EPHA4: variants seen among roughly 807,000 people sequenced by gnomAD.
EPHA4 encodes ephrin type-A receptor 4.
In EPHA4, 19 loss-of-function variants were observed where a neutral mutation model predicts 108.3. The ratio of observed to expected loss-of-function variants is 0.18; its 90% CI spans 0.12 to 0.26. EPHA4 has a LOEUF of 0.26. Ranked by LOEUF, EPHA4 falls within the 10% of genes least tolerant of loss-of-function variation. The pLI is 1.00. For synonymous variants in EPHA4, 449 were observed against 455.5 expected, an observed-to-expected ratio of 0.99 and a Z score of 0.18; for missense variants, 917 against 1,254.0, an observed-to-expected ratio of 0.73 and a Z score of 4.06.
chr2:221,495,497 A>G (rs1347971727), intron 4 of EPHA4, among the ~76,000 whole-genome samples: 2 of 152,220 alleles, frequency 1.3e-5, no homozygotes. Context: ...ATTTTTGTGC[A>G]TGTGGATGTT....
At chr2:221,568,688 C>CT (rs1553596323) in intron 2 of EPHA4, 30 bp downstream of exon 2, 1 of 1,596,000 alleles carries the variant, frequency 6.3e-7, no homozygotes, top group African/African-American at 1.3e-5. Flanking sequence ...CTTTTTTACC[C>CT]TTTGGATCAG....
intron 3 of EPHA4, among the ~76,000 whole-genome samples, chr2:221,501,557 G>C (rs778183715): frequency 3.9e-5 from 6 of 152,150 alleles, no homozygotes; most frequent in Non-Finnish European, 8.8e-5. Flanking sequence ...AGGAATTTCA[G>C]CTTTGAGCAG....
rs1207376985 is a variant in EPHA4 at position 221,419,731 on chromosome 2, C to CCTTAATACACTACAAAAT, written c.*1640_*1641insATTTTGTAGTGTATTAAG. 6.6e-6 allele frequency: 1 copy of CCTTAATACACTACAAAAT among 152,514 alleles called. No homozygotes were observed. Among genetic ancestry groups the CCTTAATACACTACAAAAT allele is most frequent in the Non-Finnish European group, 1.5e-5 (1 of 68,048 alleles). 9.4% of individuals were successfully genotyped at this position (152,514 alleles called of 1,614,324 possible). On this transcript the variant is annotated 3_prime_UTR_variant, in exon 18 of 18. Coordinates refer to ENST00000281821, the MANE Select transcript of EPHA4 (RefSeq NM_004438.5). ...AGAATTCTTATTAAGGTTAGTGTGA[C>CCTTAATACACTACAAAAT]AGCTACAAAATACACGTGTAGATAC...
At chr2:221,426,440 C>T (rs780653172) in intron 16 of EPHA4, 24 bp downstream of exon 16, 7 of 1,573,120 alleles carry the variant, frequency 4.4e-6, no homozygotes, top group Admixed American at 4.1e-5. Context: ...TTTACCCTTT[C>T]GTGTTACATC....
intron 3 of EPHA4, among the ~76,000 whole-genome samples, chr2:221,516,801 T>A (rs1169145289): frequency 6.6e-6 from 1 of 152,222 alleles, no homozygotes; most frequent in Non-Finnish European, 1.5e-5. Context: ...GCTCAGGAAC[T>A]GAGCTCCAAC....
At chr2:221,489,477 T>C (rs1395398140) in intron 4 of EPHA4, among the ~76,000 whole-genome samples, 1 of 152,196 alleles carries the variant, frequency 6.6e-6, no homozygotes, top group Non-Finnish European at 1.5e-5. Context: ...GTAGTTCTGC[T>C]TGGAATTCTC....
At chr2:221,446,079 T>C (rs751138374) in intron 9 of EPHA4, 44 bp downstream of exon 9, 2 of 1,309,960 alleles carry the variant, frequency 1.5e-6, no homozygotes, top group Non-Finnish European at 2.1e-6. Flanking sequence ...AGAAAACGTG[T>C]GACATGCTCT....
intron 5 of EPHA4, among the ~76,000 whole-genome samples, chr2:221,474,402 A>T (rs1007110955): frequency 6.8e-6 from 1 of 147,962 alleles, no homozygotes; most frequent in African/African-American, 2.5e-5. Context: ...GTATAAGGTT[A>T]GAATCAAGAG....
At chr2:221,461,985 C>CT (rs71050335) in intron 5 of EPHA4, among the ~76,000 whole-genome samples, 2,288 of 138,876 alleles carry the variant, frequency 0.016, 33 homozygotes, top group Middle Eastern at 0.029. Flanking sequence ...TGAACACATT[C>CT]TTTTTTTTTT....
chr2:221,532,282 G>A (rs1202710730), intron 3 of EPHA4, among the ~76,000 whole-genome samples: 5 of 151,882 alleles, frequency 3.3e-5, no homozygotes, highest in Non-Finnish European at 5.9e-5. Context: ...GCTGCCATGC[G>A]TGGCTAATTT....
intron 4 of EPHA4, among the ~76,000 whole-genome samples, chr2:221,497,375 G>A (rs543775457): frequency 6.6e-6 from 1 of 152,220 alleles, no homozygotes; most frequent in East Asian, 1.9e-4. Context: ...TGATGGCGTC[G>A]CCATCAGCAC....
intron 3 of EPHA4, among the ~76,000 whole-genome samples, chr2:221,517,944 C>T (rs1481324888): frequency 2.0e-5 from 3 of 152,098 alleles, no homozygotes; most frequent in Non-Finnish European, 2.9e-5. Context: ...TGATTCAAAC[C>T]GGAACTAAGG....
chr2:221,421,021 G>T (rs545028349), intron 17 of EPHA4, among the ~76,000 whole-genome samples: 3 of 152,188 alleles, frequency 2.0e-5, no homozygotes, highest in African/African-American at 7.2e-5. Context: ...ACTAAGGGCC[G>T]GGCGCGGTGG....
chr2:221,460,636 G>C (rs1691109918), intron 5 of EPHA4, among the ~76,000 whole-genome samples: 1 of 152,196 alleles, frequency 6.6e-6, no homozygotes, highest in African/African-American at 2.4e-5. Flanking sequence ...ACTTTGGAAA[G>C]GAGGCAACCT....
At chr2:221,446,331 A>C (rs534107708) in intron 8 of EPHA4, 150 bp from the exon 9 acceptor site, 4 of 393,410 alleles carry the variant, frequency 1.0e-5, no homozygotes, top group Non-Finnish European at 1.8e-5. Flanking sequence ...CAAGAGATGA[A>C]ATACTTGTCA....
In EPHA4 at chr2:221,460,581, C is replaced by T. The variant is rs545193213; in HGVS notation, c.1319-2591G>A. On this transcript the variant is annotated intron_variant, in intron 5 of 17. Transcript: ENST00000281821. ...ATTGTATGTGGAGAGCTTACCTTCTCTAGTAAGAAGGAGTTTGAGAAAATC... is the reference window on the plus strand; with the variant it reads ...ATTGTATGTGGAGAGCTTACCTTCTTTAGTAAGAAGGAGTTTGAGAAAATC... 2.0e-5 allele frequency among the ~76,000 whole-genome samples: 3 copies of T among 152,346 alleles called. No homozygotes were observed. In the South Asian group the frequency reaches 6.2e-4, roughly 32 times the overall value.
intron 14 of EPHA4, among the ~76,000 whole-genome samples, chr2:221,431,076 A>T (rs2106093488): frequency 6.6e-6 from 1 of 152,314 alleles, no homozygotes; most frequent in South Asian, 2.1e-4. Flanking sequence ...TTTGGGGTAT[A>T]AATTCCAAGA....
In EPHA4 at chr2:221,419,847, T is replaced by C. The variant is rs3770209; in HGVS notation, c.*1525A>G. On this transcript the variant is annotated 3_prime_UTR_variant, in exon 18 of 18. Coordinates refer to ENST00000281821, the MANE Select transcript of EPHA4 (RefSeq NM_004438.5). ...GTCCACTGTATCATGTAGTTCTTCA[T>C]CTTGAAACTGGTGGAAAACCAGAAC... is the stretch of plus-strand genomic sequence containing the variant. The C allele has an allele frequency of 2.4e-4, 36 of 152,742 alleles. No individual in the cohort carries two copies. In the East Asian group the frequency reaches 7.0e-3, roughly 30 times the overall value. The allele number at this position is 152,742 out of a possible 1,614,324, so 9.5% of individuals were successfully genotyped here. A position where few individuals can be genotyped will look rare whatever the true frequency, so the allele number is the denominator to read the frequency against.
intron 8 of EPHA4, among the ~76,000 whole-genome samples, chr2:221,452,473 A>G (rs1004227207): frequency 2.0e-5 from 3 of 152,172 alleles, no homozygotes; most frequent in African/African-American, 4.8e-5. Context: ...CCATTTAAAC[A>G]TTTATAGTCC....
Sources: gnomAD v4.1 joint callset for allele counts (sites outside exome capture counted in the v4.1 genomes callset) on GRCh38, gnomAD v4.1.1 for gene constraint, MANE v1.5 for transcripts, NCBI Gene and HGNC (gene_info 2026-07-23, HGNC 2026-07-21) for gene names.